Variants in SLC1A5 observed in about 807,000 individuals in gnomAD.
The protein encoded by SLC1A5 is neutral amino acid transporter B(0).
Under a neutral mutation model 34.9 loss-of-function variants are expected in SLC1A5, and 25 were observed. The ratio of observed to expected loss-of-function variants is 0.72; its 90% CI spans 0.52 to 1.00. The LOEUF (loss-of-function observed/expected upper bound fraction) is 1.00, where lower values mean the gene tolerates loss of function less well. Among genes scored for constraint, SLC1A5 ranks in the 50% least tolerant of loss-of-function variants. The pLI, the probability that SLC1A5 is intolerant of heterozygous loss-of-function variation, is 0.00. For missense variants in SLC1A5, 637 were observed against 740.0 expected, an observed-to-expected ratio of 0.86 and a Z score of 1.61; for synonymous variants, 351 against 341.2, an observed-to-expected ratio of 1.03 and a Z score of -0.32.
chr19:46,783,570 G>A (rs757329854), intron 3 of SLC1A5, among the ~76,000 whole-genome samples: 1 of 152,192 alleles, frequency 6.6e-6, no homozygotes, highest in Non-Finnish European at 1.5e-5. Context: ...GCCAAGGTGG[G>A]CAGATCACTT....
intron 4 of SLC1A5, 150 bp from the exon 5 acceptor site, chr19:46,779,058 G>T: frequency 1.7e-6 from 1 of 597,514 alleles, no homozygotes; most frequent in Non-Finnish European, 2.9e-6. Flanking sequence ...CCACTCCCAG[G>T]CCTGGCCCCT....
At chr19:46,784,189 C>A in intron 2 of SLC1A5, 45 bp from the exon 3 acceptor site, 1 of 1,395,930 alleles carries the variant, frequency 7.2e-7, no homozygotes, top group Non-Finnish European at 1.0e-6. Flanking sequence ...GTTACCAGGG[C>A]CTCCCAACCC....
At chr19:46,776,473 G>A (rs1377736076) in intron 7 of SLC1A5, among the ~76,000 whole-genome samples, 1 of 152,140 alleles carries the variant, frequency 6.6e-6, no homozygotes, top group East Asian at 1.9e-4. Flanking sequence ...CTCCCAAAAT[G>A]TTGGGATTAC....
In SLC1A5 at chr19:46,788,101, TTG is replaced by T. The variant is rs1301127974; in HGVS notation, c.-138_-137del. On this transcript the variant is annotated 5_prime_UTR_variant, in exon 1 of 8. Transcript: ENST00000542575. ...TGGAACTTTGGAGGGCTCCTTAGAG[TTG>T]TGAGTTCACAGCACTGAAGTTCCTT... 2.6e-6 allele frequency: 2 copies of T among 776,138 alleles called. No individual in the cohort carries two copies. Among genetic ancestry groups the T allele is most frequent in the African/African-American group, 3.7e-5 (2 of 54,486 alleles). The allele number at this position is 776,138 out of a possible 1,614,324, so 48.1% of individuals were successfully genotyped here. A position where few individuals can be genotyped will look rare whatever the true frequency, so the allele number is the denominator to read the frequency against.
chr19:46,784,750 G>A, intron 1 of SLC1A5, 191 bp from the exon 2 acceptor site: 1 of 1,468,760 alleles, frequency 6.8e-7, no homozygotes, highest in East Asian at 2.5e-5. Context: ...CAGGACTTGG[G>A]GAGTCAGCCT....
At chr19:46,785,732 T>C (rs2122699708) in intron 1 of SLC1A5, among the ~76,000 whole-genome samples, 1 of 152,308 alleles carries the variant, frequency 6.6e-6, no homozygotes, top group South Asian at 2.1e-4. Flanking sequence ...TATGGGACAG[T>C]GTCCATGGAT....
At chr19:46,784,955 G>A in intron 1 of SLC1A5, 1 of 1,099,694 alleles carries the variant, frequency 9.1e-7, no homozygotes, top group African/African-American at 1.6e-5. Context: ...TGAGAGTATG[G>A]GGGAGGATCT....
In SLC1A5 at chr19:46,787,183, CT is replaced by C; in HGVS notation, c.566+216del. On this transcript the variant is annotated intron_variant, in intron 1 of 7. Transcript: ENST00000542575. This position sits in a 1 kb window ranked among gnomAD's most constrained non-coding sequence, Gnocchi z 5.2. ...TTTCTTCTCCCTCTATAAGACCCCACTTATGTACCCAGGCCCCCAGATTTAG... is the reference window on the plus strand; with the variant it reads ...TTTCTTCTCCCTCTATAAGACCCCACTATGTACCCAGGCCCCCAGATTTAG... 7.3e-7 allele frequency: 1 copy of C among 1,364,856 alleles called. No homozygotes were observed. 84.5% of individuals were successfully genotyped at this position (1,364,856 alleles called of 1,614,324 possible). A position where few individuals can be genotyped will look rare whatever the true frequency, so the allele number is the denominator to read the frequency against.
chr19:46,785,614 G>A (rs1159074767), intron 1 of SLC1A5, among the ~76,000 whole-genome samples: 1 of 152,204 alleles, frequency 6.6e-6, no homozygotes, highest in Non-Finnish European at 1.5e-5. Flanking sequence ...ATAGCCCCAA[G>A]CACTCCACAT....
At position 46,775,110 on chromosome 19, in the gene SLC1A5, C is replaced by T; in HGVS notation, c.*400G>A. On this transcript the variant is annotated 3_prime_UTR_variant, in exon 8 of 8. Coordinates refer to ENST00000542575, the MANE Select transcript of SLC1A5 (RefSeq NM_005628.3). Reference sequence around the variant, plus strand: ...ACACACGTGCACACACACATCCCCCCACAACTACAGCCGCCAAAATAACCA... The same window carrying T: ...ACACACGTGCACACACACATCCCCCTACAACTACAGCCGCCAAAATAACCA... 1.9e-6 allele frequency: 2 copies of T among 1,035,306 alleles called. No homozygotes were observed. Among genetic ancestry groups the T allele is most frequent in the Non-Finnish European group, 2.3e-6 (2 of 860,850 alleles). 64.1% of individuals were successfully genotyped at this position (1,035,306 alleles called of 1,614,324 possible).
chr19:46,777,340 C>T lies in SLC1A5; in HGVS notation c.1124G>A (p.Ser375Asn), dbSNP rs1599728545. 3 of 1,613,678 alleles carry T rather than the reference C, an allele frequency of 1.9e-6. No individual in the cohort carries two copies. In the African/African-American group the frequency reaches 4.0e-5, roughly 22 times the overall value. Residue 375 changes from serine (S) to asparagine (N), a missense_variant, in exon 6 of 8, where the codon AGC becomes AAC. Transcript: ENST00000542575. Reference sequence around the variant, plus strand: ...GGCGCCGATGGGCAGGATGAAACGGCTGATGTGCTTGGCCACGCCATTATT... The same window carrying T: ...GGCGCCGATGGGCAGGATGAAACGGTTGATGTGCTTGGCCACGCCATTATT... Reference protein sequence around the residue: ...EENNGVAKHISRFILPIGATV... With the variant: ...EENNGVAKHINRFILPIGATV...
intron 4 of SLC1A5, 41 bp downstream of exon 4, chr19:46,782,342 T>TGCCACCCCCCCCCCCCCCCCC: frequency 7.6e-6 from 4 of 523,362 alleles, no homozygotes; most frequent in Non-Finnish European, 1.0e-5. Context: ...AGACCGACCC[T>TGCCACCCCCCCCCCCCCCCCC]CCAACCCCAC....
At chr19:46,782,342 T>TTCCACCCCCCCCCCCCCC in intron 4 of SLC1A5, 41 bp downstream of exon 4, 1 of 523,372 alleles carries the variant, frequency 1.9e-6, no homozygotes, top group South Asian at 1.8e-5. Context: ...AGACCGACCC[T>TTCCACCCCCCCCCCCCCC]CCAACCCCAC....
chr19:46,787,442 G>A lies in SLC1A5; in HGVS notation c.524C>T (p.Ala175Val). 2.5e-6 allele frequency: 4 copies of A among 1,601,284 alleles called. No homozygotes were observed. The highest frequency in any genetic ancestry group is 1.1e-5 in the South Asian group (1 of 88,842). ...SVGAAGSAENAPSKEVLDSFL... is the reference protein window; with the variant it reads ...SVGAAGSAENVPSKEVLDSFL... ...CGAATCGAGCACCTCCTTGCTGGGG[G>A]CATTTTCGGCACTGCCCGCGGCTCC... The change falls in exon 1 of 8, where the codon GCC becomes GTC. Residue 175 changes from alanine to valine, a missense_variant. By Grantham distance (64) the Ala-to-Val change is moderately conservative. Transcript: ENST00000542575. This position sits in a 1 kb window ranked among gnomAD's most constrained non-coding sequence, Gnocchi z 5.2.
At position 46,787,470 on chromosome 19, in the gene SLC1A5, C is replaced by T. The variant is rs764218768; in HGVS notation, c.496G>A (p.Val166Met). Reference sequence around the variant, plus strand: ...TTTTCGGCACTGCCCGCGGCTCCCACGGAGGCGTTGATGGCGGCGGAGGCG... The same window carrying T: ...TTTTCGGCACTGCCCGCGGCTCCCATGGAGGCGTTGATGGCGGCGGAGGCG... Reference protein sequence around the residue: ...GAASAAINASVGAAGSAENAP... With the variant: ...GAASAAINASMGAAGSAENAP... The change falls in exon 1 of 8, where the codon GTG (valine) becomes ATG (methionine). Residue 166 changes from valine to methionine, a missense_variant. Physicochemically the swap from Val to Met is conservative, Grantham distance 21 (BLOSUM62 1). Transcript: ENST00000542575. This position sits in a 1 kb window ranked among gnomAD's most constrained non-coding sequence, Gnocchi z 5.2. 9 of 1,595,920 alleles carry T rather than the reference C, an allele frequency of 5.6e-6. No homozygotes were observed. The Middle Eastern group carries it at 1.5e-3, about 264-fold the overall frequency.
Position 46,776,961 on chromosome 19 carries a change from A to G in SLC1A5, c.1388+14T>C. On this transcript the variant is annotated intron_variant, in intron 7 of 7. Transcript: ENST00000542575. ...TACCCCTGGCCCTGCCCCAGTCTCC[A>G]GACCCACACTCACACTAGCCAGTCC... is the stretch of plus-strand genomic sequence containing the variant. 1 of 1,612,246 alleles carries G rather than the reference A, an allele frequency of 6.2e-7. No homozygotes were observed. The highest frequency in any genetic ancestry group is 8.5e-7 in the Non-Finnish European group (1 of 1,179,078).
At chr19:46,776,779 T>C (rs1273829948) in intron 7 of SLC1A5, 196 bp downstream of exon 7, 2 of 592,226 alleles carry the variant, frequency 3.4e-6, no homozygotes, top group African/African-American at 3.7e-5. Context: ...GACGCTCTAC[T>C]TTTCTGACAT....
At chr19:46,775,835 C>CT (rs1286732580) in intron 7 of SLC1A5, 88 bp from the exon 8 acceptor site, 16 of 1,360,936 alleles carry the variant, frequency 1.2e-5, no homozygotes, top group Non-Finnish European at 1.5e-5. Flanking sequence ...TCCTGCCTCT[C>CT]TCCCCCTGGA....
chr19:46,775,427 C>T lies in SLC1A5; in HGVS notation c.*83G>A. On this transcript the variant is annotated 3_prime_UTR_variant, in exon 8 of 8. Transcript: ENST00000542575. ...GAGTGTGCAGGCAGACCCCCAGAGC[C>T]CTAGCTCATCCATTTATCCATTCCT... is the stretch of plus-strand genomic sequence containing the variant. 6.5e-7 allele frequency: 1 copy of T among 1,534,620 alleles called. No individual in the cohort carries two copies. Among genetic ancestry groups the T allele is most frequent in the Non-Finnish European group, 8.8e-7 (1 of 1,142,454 alleles).
Sources: gnomAD v4.1 joint callset for allele counts (sites outside exome capture counted in the v4.1 genomes callset) on GRCh38, gnomAD v4.1.1 for gene constraint, Gnocchi (gnomAD v3.1) non-coding constraint, MANE v1.5 for transcripts, NCBI Gene and HGNC (gene_info 2026-07-23, HGNC 2026-07-21) for gene names.